Variants in CAMK2D observed in about 807,000 individuals in gnomAD.
CAMK2D encodes calcium/calmodulin dependent protein kinase II delta, also known as calcium/calmodulin-dependent protein kinase type II subunit delta.
In CAMK2D, 37 loss-of-function variants were observed where a neutral mutation model predicts 84.0. The observed-to-expected ratio is 0.44, with a 90% CI of 0.34 to 0.58. CAMK2D has a LOEUF of 0.58. CAMK2D is among the 20% of genes least tolerant of loss of function. CAMK2D has a pLI of 0.02. For missense variants in CAMK2D, 448 were observed against 652.5 expected (o/e 0.69, Z 3.41); for synonymous variants, 202 against 212.5 (o/e 0.95, Z 0.43).
intron 4 of CAMK2D, among the ~76,000 whole-genome samples, chr4:113,552,453 T>C (rs2098635737): frequency 6.6e-6 from 1 of 152,226 alleles, no homozygotes; most frequent in Non-Finnish European, 1.5e-5. Context: ...ATGATACACA[T>C]CATAGCTATT....
At chr4:113,601,386 A>G (rs1425949266) in intron 4 of CAMK2D, among the ~76,000 whole-genome samples, 4 of 152,144 alleles carry the variant, frequency 2.6e-5, no homozygotes, top group Admixed American at 6.6e-5. Context: ...TGTTTTATTA[A>G]TTTTTCAATA....
intron 16 of CAMK2D, among the ~76,000 whole-genome samples, chr4:113,480,831 A>C (rs1310963523): frequency 6.6e-6 from 1 of 151,570 alleles, no homozygotes; most frequent in Non-Finnish European, 1.5e-5. Flanking sequence ...ACAGGGTGAG[A>C]CTCCTCTTCA....
intron 2 of CAMK2D, among the ~76,000 whole-genome samples, chr4:113,669,873 G>T (rs1235436855): frequency 6.6e-6 from 1 of 152,202 alleles, no homozygotes; most frequent in Non-Finnish European, 1.5e-5. Flanking sequence ...TACTCAGTAG[G>T]TCAGAGTCAA....
intron 4 of CAMK2D, among the ~76,000 whole-genome samples, chr4:113,605,383 T>A (rs1236142988): frequency 6.6e-6 from 1 of 152,240 alleles, no homozygotes; most frequent in Non-Finnish European, 1.5e-5. Context: ...ACAAATTATA[T>A]GCCTTGTCTC....
At chr4:113,680,946 G>T (rs961911392) in intron 2 of CAMK2D, among the ~76,000 whole-genome samples, 1 of 152,182 alleles carries the variant, frequency 6.6e-6, no homozygotes, top group Admixed American at 6.5e-5. Context: ...GGGTCTCAAA[G>T]ACCATTCCCC....
chr4:113,718,146 C>A (rs1351181369), intron 2 of CAMK2D, among the ~76,000 whole-genome samples: 1 of 152,118 alleles, frequency 6.6e-6, no homozygotes, highest in Non-Finnish European at 1.5e-5. Flanking sequence ...GAGTTTAATT[C>A]ATACAGAGCC....
chr4:113,748,513 T>A lies in CAMK2D; in HGVS notation c.160+10807A>T, dbSNP rs532724021. 5.3e-5 allele frequency among the ~76,000 whole-genome samples: 8 copies of A among 152,150 alleles called. No individual in the cohort carries two copies. In the East Asian group the frequency reaches 1.5e-3, roughly 29 times the overall value. On this transcript the variant is annotated intron_variant, in intron 2 of 20. Transcript: ENST00000511664. ...CTATAAAAAAAGTTATACAAAAGAA[T>A]GTCTATAATAGTGCCAGTCATCATA... is the stretch of plus-strand genomic sequence containing the variant.
In CAMK2D at chr4:113,492,034, TTTTC is replaced by T. The variant is rs967162197; in HGVS notation, c.1135+8425_1135+8428del. Among the ~76,000 whole-genome samples, 572 of 152,342 alleles carry T rather than the reference TTTTC, an allele frequency of 3.8e-3. 4 individuals are homozygous for T. Among genetic ancestry groups the T allele is most frequent in the African/African-American group, 0.013 (533 of 41,582 alleles). On this transcript the variant is annotated intron_variant, in intron 16 of 20. Transcript: ENST00000511664. The stretch of plus-strand genomic sequence containing the variant: ...GCGTCTATTTGATTCTTCTCTCTTT[TTTTC>T]TTTATTAGTCTTCCTAGCGGTCTAT...
chr4:113,541,146 T>C (rs2098527471), intron 6 of CAMK2D, among the ~76,000 whole-genome samples: 1 of 152,208 alleles, frequency 6.6e-6, no homozygotes, highest in Admixed American at 6.5e-5. Context: ...ATAGGCAGGT[T>C]GATGGAATCA....
At chr4:113,559,511 T>C (rs2098688163) in intron 4 of CAMK2D, among the ~76,000 whole-genome samples, 1 of 152,260 alleles carries the variant, frequency 6.6e-6, no homozygotes, top group East Asian at 1.9e-4. Context: ...CTGAAGAATG[T>C]TACTAACTGA....
chr4:113,746,152 T>C (rs1057269511), intron 2 of CAMK2D, among the ~76,000 whole-genome samples: 1 of 152,238 alleles, frequency 6.6e-6, no homozygotes, highest in African/African-American at 2.4e-5. Context: ...ATAAATTATT[T>C]GCATTCAGGG....
intron 12 of CAMK2D, among the ~76,000 whole-genome samples, chr4:113,510,830 G>T (rs2098202143): frequency 6.6e-6 from 1 of 151,326 alleles, no homozygotes; most frequent in African/African-American, 2.4e-5. Flanking sequence ...TTACTTAAAA[G>T]ATACAAAAAT....
intron 2 of CAMK2D, among the ~76,000 whole-genome samples, chr4:113,750,356 T>C (rs1365215882): frequency 6.6e-6 from 1 of 152,156 alleles, no homozygotes; most frequent in East Asian, 1.9e-4. Flanking sequence ...GTGAACAGAT[T>C]GCTTACTCCC....
rs151121108 is a variant in CAMK2D, at chr4:113,623,142, G to A, written c.221-13936C>T. 5.4e-3 allele frequency among the ~76,000 whole-genome samples: 815 copies of A among 152,220 alleles called. 4 individuals carry two copies. The highest frequency in any genetic ancestry group is 7.7e-3 in the Non-Finnish European group (524 of 67,990). On this transcript the variant is annotated intron_variant, in intron 3 of 20. Transcript: ENST00000511664. ...CTCAAAGGTTATACCCTTGTTGCCT[G>A]TAAAGCAATAACCAGTTTAGTTTTA... is the stretch of plus-strand genomic sequence containing the variant.
chr4:113,467,750 T>G (rs890668403), intron 16 of CAMK2D, among the ~76,000 whole-genome samples: 5 of 152,184 alleles, frequency 3.3e-5, no homozygotes, highest in Non-Finnish European at 5.9e-5. Context: ...AGTGACACAT[T>G]TTAGCTTAAT....
chr4:113,699,403 TTG>T (rs1232889756), intron 2 of CAMK2D, among the ~76,000 whole-genome samples: 1 of 152,170 alleles, frequency 6.6e-6, no homozygotes, highest in African/African-American at 2.4e-5. Context: ...TAACATTATG[TTG>T]TGGATACTGA....
chr4:113,743,806 A>G (rs4834354), intron 2 of CAMK2D, among the ~76,000 whole-genome samples: 107,415 of 151,900 alleles, frequency 0.71, 38,901 homozygotes, highest in East Asian at 0.92. Context: ...GGAATCCCTG[A>G]AATTACTCCC....
intron 2 of CAMK2D, among the ~76,000 whole-genome samples, chr4:113,708,121 C>T (rs1319168700): frequency 2.0e-5 from 3 of 152,126 alleles, no homozygotes; most frequent in Non-Finnish European, 2.9e-5. Flanking sequence ...ATTTCCTATC[C>T]CATTCTCTCC....
chr4:113,535,301 A>G (rs1218687950), intron 7 of CAMK2D, among the ~76,000 whole-genome samples: 2 of 152,152 alleles, frequency 1.3e-5, no homozygotes, highest in African/African-American at 4.8e-5. Context: ...CTTAGAGTTC[A>G]TATTTCCTGT....
Sources: allele counts gnomAD v4.1 joint callset (sites outside exome capture counted in the v4.1 genomes callset), GRCh38; gene constraint gnomAD v4.1.1; transcripts MANE v1.5; gene names NCBI Gene and HGNC (gene_info 2026-07-23, HGNC 2026-07-21).